The following ENPP3 variants were observed in gnomAD, a reference collection of about 807,000 sequenced individuals.
ENPP3 encodes the protein ectonucleotide pyrophosphatase/phosphodiesterase family member 3.
In ENPP3, 104 loss-of-function variants were observed where a neutral mutation model predicts 117.8. The observed-to-expected ratio is 0.88, with a 90% CI of 0.75 to 1.04. ENPP3 has a LOEUF of 1.04. Ranked by LOEUF, ENPP3 falls within the 50% of genes least tolerant of loss-of-function variation. ENPP3 has a pLI of 0.00. For missense variants in ENPP3, 1,026 were observed against 1,051.9 expected (o/e 0.98, Z 0.34); for synonymous variants, 380 against 349.9 (o/e 1.09, Z -0.96).
intron 19 of ENPP3, among the ~76,000 whole-genome samples, chr6:131,724,705 A>C (rs927055971): frequency 1.3e-5 from 2 of 152,192 alleles, no homozygotes; most frequent in African/African-American, 4.8e-5. Context: ...AGAGCTTAGT[A>C]AATGTACTAG....
At chr6:131,687,070 A>G (rs1300930671) in intron 14 of ENPP3, among the ~76,000 whole-genome samples, 1 of 152,096 alleles carries the variant, frequency 6.6e-6, no homozygotes, top group East Asian at 1.9e-4. Flanking sequence ...TCTCTGTTTT[A>G]AGTTCTTTGA....
intron 6 of ENPP3, among the ~76,000 whole-genome samples, chr6:131,668,416 T>C (rs1234140359): frequency 6.6e-6 from 1 of 152,016 alleles, no homozygotes; most frequent in African/African-American, 2.4e-5. Context: ...GGTTTCACCA[T>C]GTTGGCCAGG....
At chr6:131,685,736 TTGAAA>T in intron 13 of ENPP3, 135 bp from the exon 14 acceptor site, 1 of 656,754 alleles carries the variant, frequency 1.5e-6, no homozygotes, top group Non-Finnish European at 2.7e-6. Context: ...AATTCTTTGC[TTGAAA>T]TAATTTTTAA....
intron 1 of ENPP3, among the ~76,000 whole-genome samples, chr6:131,637,723 T>G (rs1171026888): frequency 6.6e-6 from 1 of 152,184 alleles, no homozygotes. Context: ...GTGGCGCTGA[T>G]TTTTTGCATG....
At chr6:131,711,806 G>T (rs1180106353) in intron 15 of ENPP3, among the ~76,000 whole-genome samples, 3 of 106,798 alleles carry the variant, frequency 2.8e-5, no homozygotes, top group African/African-American at 5.8e-5. Context: ...GCATTTTATA[G>T]CTTAGTGGTT....
chr6:131,742,537 A>G lies in ENPP3; in HGVS notation c.2457+2157A>G, dbSNP rs1780548686. ...AGTGTGCACTACTACCAACTTACTC[A>G]TCTTAAAATTTAGTTTATATTTTGT... On this transcript the variant is annotated intron_variant, in intron 24 of 24. Coordinates refer to ENST00000357639, the MANE Select transcript of ENPP3 (RefSeq NM_005021.5). Among the ~76,000 whole-genome samples, 3 of 152,138 alleles carry G rather than the reference A, an allele frequency of 2.0e-5. No individual in the cohort carries two copies. The South Asian group carries it at 6.2e-4, about 32-fold the overall frequency.
chr6:131,665,111 A>G lies in ENPP3; in HGVS notation c.563-6137A>G, dbSNP rs1474855808. 5.9e-5 allele frequency among the ~76,000 whole-genome samples: 9 copies of G among 152,274 alleles called. 1 individual carries two copies. In the South Asian group the frequency reaches 1.2e-3, roughly 21 times the overall value. ...CCCCAGGGATAAATCCCACATGATCATGGTGTATAATCTTTTCATTGTGTT... is the reference window on the plus strand; with the variant it reads ...CCCCAGGGATAAATCCCACATGATCGTGGTGTATAATCTTTTCATTGTGTT... On this transcript the variant is annotated intron_variant, in intron 6 of 24. Transcript: ENST00000357639.
chr6:131,685,988 A>G (rs1779146301), intron 14 of ENPP3, 81 bp downstream of exon 14: 2 of 520,480 alleles, frequency 3.8e-6, no homozygotes, highest in Non-Finnish European at 7.1e-6. Flanking sequence ...TTCATATTGT[A>G]TATTTCTAAA....
chr6:131,730,859 G>A (rs764720240), intron 20 of ENPP3, among the ~76,000 whole-genome samples: 22 of 150,030 alleles, frequency 1.5e-4, no homozygotes, highest in Admixed American at 1.1e-3. Context: ...AGGTAGCAGT[G>A]AGCCAAGATT....
chr6:131,732,918 C>CA (rs111655587), intron 20 of ENPP3, among the ~76,000 whole-genome samples: 9,125 of 139,210 alleles, frequency 0.066, 879 homozygotes, highest in African/African-American at 0.25. Context: ...TTAGTAGAGA[C>CA]GGGGTTCACC....
chr6:131,723,896 G>T, intron 18 of ENPP3, 144 bp from the exon 19 acceptor site: 2 of 623,558 alleles, frequency 3.2e-6, no homozygotes, highest in South Asian at 2.0e-5. Flanking sequence ...AATAGTGGCA[G>T]AATCAGAATC....
At chr6:131,678,962 C>CT (rs1562446616) in intron 11 of ENPP3, among the ~76,000 whole-genome samples, 1,053 of 40,846 alleles carry the variant, frequency 0.026, 5 homozygotes, top group African/African-American at 0.042. Flanking sequence ...TCTTTCTTTC[C>CT]TTCCTTCCTT....
At chr6:131,733,781 G>A in intron 21 of ENPP3, 58 bp downstream of exon 21, 1 of 1,573,842 alleles carries the variant, frequency 6.4e-7, no homozygotes, top group Non-Finnish European at 8.7e-7. Flanking sequence ...GCTGGATGTG[G>A]GCATGTGCCT....
chr6:131,743,458 A>G (rs1410868076), intron 24 of ENPP3, among the ~76,000 whole-genome samples: 2 of 152,160 alleles, frequency 1.3e-5, no homozygotes, highest in Non-Finnish European at 2.9e-5. Flanking sequence ...AAAATAATCT[A>G]TATAAAACCC....
chr6:131,726,539 A>C (rs762268700), intron 20 of ENPP3, among the ~76,000 whole-genome samples: 7 of 152,224 alleles, frequency 4.6e-5, no homozygotes, highest in Non-Finnish European at 1.0e-4. Context: ...TCATGGGTGC[A>C]TGTAGAAGGT....
Position 131,685,375 on chromosome 6 carries a change from A to G in ENPP3, c.1132A>G (p.Thr378Ala), listed in dbSNP as rs1420942624. The G allele has an allele frequency of 6.2e-7, 1 of 1,611,428 alleles. No homozygotes were observed. Among genetic ancestry groups the G allele is most frequent in the Non-Finnish European group, 8.5e-7 (1 of 1,177,734 alleles). The part of the protein sequence containing the change: ...ILLADHGMDQ[T>A]YCNKMEYMTD... Reference sequence around the variant, plus strand: ...ATTTTTTTATTCAGGAATGGACCAGACTTATTGTAACAAGATGGAATACAT... The same window carrying G: ...ATTTTTTTATTCAGGAATGGACCAGGCTTATTGTAACAAGATGGAATACAT... Residue 378 changes from threonine (T) to alanine (A), a missense_variant, in exon 13 of 25, where the codon ACT (threonine) becomes GCT (alanine). Coordinates refer to ENST00000357639, the MANE Select transcript of ENPP3 (RefSeq NM_005021.5).
chr6:131,713,337 A>G (rs182898187), intron 15 of ENPP3, among the ~76,000 whole-genome samples: 2 of 151,438 alleles, frequency 1.3e-5, no homozygotes, highest in African/African-American at 4.9e-5. Context: ...ATTTTTTTCT[A>G]TATTTTGGCC....
chr6:131,646,117 A>C (rs1778147510), intron 2 of ENPP3, among the ~76,000 whole-genome samples: 1 of 152,130 alleles, frequency 6.6e-6, no homozygotes, highest in Admixed American at 6.6e-5. Flanking sequence ...TGTGGACCAC[A>C]ATTCTGCTTA....
chr6:131,716,163 G>T (rs1364239986), intron 15 of ENPP3, among the ~76,000 whole-genome samples: 1 of 152,148 alleles, frequency 6.6e-6, no homozygotes, highest in Non-Finnish European at 1.5e-5. Context: ...TGGAGAATTT[G>T]TTCCAAAATA....
Sources: gnomAD v4.1 joint callset for allele counts (sites outside exome capture counted in the v4.1 genomes callset) on GRCh38, gnomAD v4.1.1 for gene constraint, MANE v1.5 for transcripts, NCBI Gene and HGNC (gene_info 2026-07-23, HGNC 2026-07-21) for gene names.